The following CRYBG1 variants were observed in gnomAD, a reference collection of about 807,000 sequenced individuals.
CRYBG1 encodes the protein crystallin beta-gamma domain containing 1.
Under a neutral mutation model 189.2 loss-of-function variants are expected in CRYBG1, and 139 were observed. The observed-to-expected ratio is 0.73, with a 90% confidence interval of 0.64 to 0.85. The LOEUF (loss-of-function observed/expected upper bound fraction) is 0.85. Among genes scored for constraint, CRYBG1 ranks in the 40% least tolerant of loss-of-function variants. The pLI, the probability that CRYBG1 is intolerant of heterozygous loss-of-function variation, is 0.00. For missense variants in CRYBG1, 2,611 were observed against 2,675.8 expected (o/e 0.98, Z 0.53); for synonymous variants, 1,023 against 1,017.1 (o/e 1.01, Z -0.11).
At chr6:106,439,135 G>T (rs991964014) in intron 1 of CRYBG1, among the ~76,000 whole-genome samples, 1 of 151,056 alleles carries the variant, frequency 6.6e-6, no homozygotes, top group African/African-American at 2.4e-5. Context: ...AGAAAAAAAC[G>T]GATGACAGAT....
At chr6:106,564,957 T>C (rs1271673183) in intron 21 of CRYBG1, among the ~76,000 whole-genome samples, 18 of 152,218 alleles carry the variant, frequency 1.2e-4, no homozygotes. Flanking sequence ...TTTTAAATCA[T>C]CACTACAAAA....
At chr6:106,400,727 T>G (rs1341967050) in intron 1 of CRYBG1, among the ~76,000 whole-genome samples, 1 of 152,138 alleles carries the variant, frequency 6.6e-6, no homozygotes, top group Non-Finnish European at 1.5e-5. Flanking sequence ...CATAATATAG[T>G]GAGATAGACA....
chr6:106,548,297 T>C (rs958205644), intron 13 of CRYBG1, among the ~76,000 whole-genome samples: 1 of 151,488 alleles, frequency 6.6e-6, no homozygotes, highest in Non-Finnish European at 1.5e-5. Flanking sequence ...CCTCCCCCAC[T>C]CCCCCCATTC....
In CRYBG1 at chr6:106,539,394, G is replaced by C. The variant is rs768595684; in HGVS notation, c.4719-9G>C. On this transcript the variant is annotated splice_polypyrimidine_tract_variant and intron_variant, in intron 8 of 21. Coordinates refer to ENST00000633556, the MANE Select transcript of CRYBG1 (RefSeq NM_001371242.2). ...GCTCCCTTTCTTTCCTTCCATGGTGGCTATTTAGGTGGCTGATTTATGAAG... is the reference window on the plus strand; with the variant it reads ...GCTCCCTTTCTTTCCTTCCATGGTGCCTATTTAGGTGGCTGATTTATGAAG... 4.3e-6 allele frequency: 7 copies of C among 1,613,256 alleles called. No individual in the cohort carries two copies. The highest frequency in any genetic ancestry group is 5.9e-6 in the Non-Finnish European group (7 of 1,179,696).
intron 1 of CRYBG1, among the ~76,000 whole-genome samples, chr6:106,405,908 C>A (rs1770810667): frequency 6.6e-6 from 1 of 152,180 alleles, no homozygotes; most frequent in African/African-American, 2.4e-5. Context: ...GGTAAATCCA[C>A]AAAGATGAGG....
At chr6:106,395,259 AT>A (rs1160023159) in intron 1 of CRYBG1, among the ~76,000 whole-genome samples, 1 of 151,470 alleles carries the variant, frequency 6.6e-6, no homozygotes, top group African/African-American at 2.4e-5. Context: ...TATAAAAAAA[AT>A]AAAAAACTGC....
At chr6:106,472,733 A>G (rs576820876) in intron 2 of CRYBG1, among the ~76,000 whole-genome samples, 1 of 108,730 alleles carries the variant, frequency 9.2e-6, no homozygotes, top group Non-Finnish European at 2.1e-5. Flanking sequence ...CATTTCCACA[A>G]AATATTAAAA....
intron 1 of CRYBG1, among the ~76,000 whole-genome samples, chr6:106,400,326 C>T (rs1770698343): frequency 6.6e-6 from 1 of 152,164 alleles, no homozygotes; most frequent in African/African-American, 2.4e-5. Flanking sequence ...TGTTCACTTG[C>T]ACATATAATG....
intron 1 of CRYBG1, among the ~76,000 whole-genome samples, chr6:106,445,360 G>A (rs9480670): frequency 0.12 from 18,984 of 152,114 alleles, 1,244 homozygotes; most frequent in Middle Eastern, 0.16. Flanking sequence ...GTCATTAGCC[G>A]TGTGACTTTG....
chr6:106,406,290 C>T (rs1034454791), intron 1 of CRYBG1, among the ~76,000 whole-genome samples: 8 of 151,562 alleles, frequency 5.3e-5, no homozygotes, highest in Non-Finnish European at 8.8e-5. Context: ...GATTGAAGAT[C>T]GACTTAATGA....
rs142659158 is a variant in CRYBG1, at chr6:106,406,087, A to G, written c.173+45006A>G. ...GGTAATAACAAACTCCTCTGAGCTA[A>G]AGGAGCATGTTCTAACCCAATGCAA... is the stretch of plus-strand genomic sequence containing the variant. On this transcript the variant is annotated intron_variant, in intron 1 of 21. Transcript: ENST00000633556. Among the ~76,000 whole-genome samples, 640 of 152,314 alleles carry G rather than the reference A, an allele frequency of 4.2e-3. 8 individuals carry two copies. The highest frequency in any genetic ancestry group is 0.016 in the South Asian group (79 of 4,826).
intron 1 of CRYBG1, among the ~76,000 whole-genome samples, chr6:106,392,740 T>A (rs1770531932): frequency 6.6e-6 from 1 of 151,524 alleles, no homozygotes. Flanking sequence ...TGCTAAGAAC[T>A]GTTCGAATTT....
intron 18 of CRYBG1, among the ~76,000 whole-genome samples, chr6:106,559,228 G>A (rs935914589): frequency 3.9e-5 from 6 of 152,078 alleles, no homozygotes; most frequent in Admixed American, 3.3e-4. Flanking sequence ...AAAAGAGCAA[G>A]TCCTCTGATT....
chr6:106,448,540 G>A (rs1487043612), intron 1 of CRYBG1, among the ~76,000 whole-genome samples: 2 of 152,180 alleles, frequency 1.3e-5, no homozygotes, highest in African/African-American at 4.8e-5. Context: ...CAAATCAGGA[G>A]AGCAGGCAGG....
intron 1 of CRYBG1, among the ~76,000 whole-genome samples, chr6:106,448,569 C>G (rs1333186083): frequency 6.6e-6 from 1 of 152,120 alleles, no homozygotes; most frequent in Non-Finnish European, 1.5e-5. Flanking sequence ...GTTCAACACG[C>G]TACAAGGCCC....
chr6:106,524,713 G>A (rs1457125041), intron 4 of CRYBG1, among the ~76,000 whole-genome samples: 5 of 152,154 alleles, frequency 3.3e-5, no homozygotes, highest in Non-Finnish European at 5.9e-5. Flanking sequence ...TTCAGATAGG[G>A]TATGTATATG....
intron 1 of CRYBG1, among the ~76,000 whole-genome samples, chr6:106,372,540 C>T (rs991910734): frequency 6.6e-6 from 1 of 152,214 alleles, no homozygotes; most frequent in Admixed American, 6.5e-5. Context: ...GCGTGAGCCA[C>T]CGTGCCTGGC....
intron 9 of CRYBG1, among the ~76,000 whole-genome samples, 191 bp downstream of exon 9, chr6:106,539,720 A>G (rs1038231614): frequency 3.8e-5 from 5 of 133,286 alleles, no homozygotes; most frequent in Admixed American, 2.3e-4. Context: ...AAAAAAAAAA[A>G]GGCAGGTAAG....
intron 2 of CRYBG1, among the ~76,000 whole-genome samples, chr6:106,506,313 C>G (rs1022605447): frequency 1.3e-5 from 2 of 152,048 alleles, no homozygotes; most frequent in African/African-American, 4.8e-5. Flanking sequence ...GGAAAGGCAA[C>G]AGAACATTTT....
Sources: allele counts gnomAD v4.1 joint callset (sites outside exome capture counted in the v4.1 genomes callset), GRCh38; gene constraint gnomAD v4.1.1; transcripts MANE v1.5; gene names NCBI Gene and HGNC (gene_info 2026-07-23, HGNC 2026-07-21).